The following ECEL1 variants were observed in gnomAD, a reference collection of about 807,000 sequenced individuals.
ECEL1 encodes the protein endothelin converting enzyme like 1, also known as endothelin-converting enzyme-like 1.
In ECEL1, 87 loss-of-function variants were observed where a neutral mutation model predicts 101.8. The ratio of observed to expected loss-of-function variants is 0.85; its 90% CI spans 0.72 to 1.02. The LOEUF (loss-of-function observed/expected upper bound fraction) is 1.02. Ranked by LOEUF, ECEL1 falls within the 50% of genes least tolerant of loss-of-function variation. The probability of loss-of-function intolerance (pLI) is 0.00; values close to 1 mark genes in which losing one functional copy is unlikely to be tolerated. For synonymous variants in ECEL1, 487 were observed against 468.7 expected (o/e 1.04, Z -0.50); for missense variants, 1,032 against 1,079.2 (o/e 0.96, Z 0.61).
Position 232,486,401 on chromosome 2 carries a change from G to A in ECEL1, c.253C>T (p.Leu85=). 1 of 1,475,124 alleles carries A rather than the reference G, an allele frequency of 6.8e-7. No individual in the cohort carries two copies. Among genetic ancestry groups the A allele is most frequent in the South Asian group, 1.3e-5 (1 of 75,766 alleles). 91.4% of individuals were successfully genotyped at this position (1,475,124 alleles called of 1,614,324 possible). The change falls in exon 2 of 18, where the codon CTG becomes TTG. Residue 85 remains leucine (L), a synonymous_variant. Coordinates refer to ENST00000304546, the MANE Select transcript of ECEL1 (RefSeq NM_004826.4). ...ILAAMLALKY[L]GPVAAGGGAC... Reference sequence around the variant, plus strand: ...CCGCCGCCGGCCGCGACCGGGCCCAGGTACTTGAGGGCCAGCATAGCCGCC... The same window carrying A: ...CCGCCGCCGGCCGCGACCGGGCCCAAGTACTTGAGGGCCAGCATAGCCGCC...
At chr2:232,484,676 C>T (rs755863982) in intron 5 of ECEL1, 80 bp from the exon 6 acceptor site, 27 of 1,602,098 alleles carry the variant, frequency 1.7e-5, no homozygotes, top group South Asian at 3.3e-5. Flanking sequence ...AGAGAGGCAG[C>T]GAGGGGACAT....
Position 232,480,494 on chromosome 2 carries a change from T to C in ECEL1, c.2152-19A>G, listed in dbSNP as rs1575074720. The C allele has an allele frequency of 1.2e-6, 2 of 1,613,042 alleles. No homozygotes were observed. The highest frequency in any genetic ancestry group is 2.7e-5 in the African/African-American group (2 of 74,958). On this transcript the variant is annotated intron_variant, in intron 16 of 17. Transcript: ENST00000304546. Reference sequence around the variant, plus strand: ...ACCAGTTCTGGGTCCAGGAGCGGGGTGGAGGGGAGGAGGGGGAGATGAAGC... The same window carrying C: ...ACCAGTTCTGGGTCCAGGAGCGGGGCGGAGGGGAGGAGGGGGAGATGAAGC...
At position 232,484,468 on chromosome 2, in the gene ECEL1, A is replaced by C. The variant is rs1354599815; in HGVS notation, c.1184+4T>G. 2 of 1,613,394 alleles carry C rather than the reference A, an allele frequency of 1.2e-6. No homozygotes were observed. The highest frequency in any genetic ancestry group is 2.2e-5 in the East Asian group (1 of 44,852). ...GGCAGAAAATGCCAGATCTGCAGCC[A>C]TACCGGTGGGGTGTGGAGCGGATGA... On this transcript the variant is annotated splice_donor_region_variant and intron_variant, in intron 6 of 17. Coordinates refer to ENST00000304546, the MANE Select transcript of ECEL1 (RefSeq NM_004826.4).
Position 232,482,621 on chromosome 2 carries a change from G to A in ECEL1, c.1686-13C>T. ...GGGGAGCAGCCACCTGTGGAGGGAT[G>A]CTGGGGTGAATGGGGGGAACACACT... On this transcript the variant is annotated splice_polypyrimidine_tract_variant and intron_variant, in intron 10 of 17. Transcript: ENST00000304546. 3 of 1,606,188 alleles carry A rather than the reference G, an allele frequency of 1.9e-6. No individual in the cohort carries two copies. Among genetic ancestry groups the A allele is most frequent in the Non-Finnish European group, 2.6e-6 (3 of 1,175,298 alleles).
chr2:232,480,039 T>A lies in ECEL1; in HGVS notation c.*114A>T, dbSNP rs1690534072. 2 of 1,029,232 alleles carry A rather than the reference T, an allele frequency of 1.9e-6. No individual in the cohort carries two copies. The highest frequency in any genetic ancestry group is 4.4e-5 in the Admixed American group (2 of 45,710). 63.8% of individuals were successfully genotyped at this position (1,029,232 alleles called of 1,614,324 possible). Reference sequence around the variant, plus strand: ...CAGGGGGACCGGGTCCTGGAGGGGCTGGAAGGCAGGTGGTGCCCAGAGCGG... The same window carrying A: ...CAGGGGGACCGGGTCCTGGAGGGGCAGGAAGGCAGGTGGTGCCCAGAGCGG... On this transcript the variant is annotated 3_prime_UTR_variant, in exon 18 of 18. Coordinates refer to ENST00000304546, the MANE Select transcript of ECEL1 (RefSeq NM_004826.4).
At position 232,486,009 on chromosome 2, in the gene ECEL1, G is replaced by C. The variant is rs370793486; in HGVS notation, c.645C>G (p.Gly215=). The C allele has an allele frequency of 1.0e-5, 16 of 1,607,694 alleles. No homozygotes were observed. Among genetic ancestry groups the C allele is most frequent in the African/African-American group, 1.3e-5 (1 of 74,844 alleles). Reference sequence around the variant, plus strand: ...CCGCGACCCCCGGACGCTCCTCCGCGCCGCCCAGGTCCCAGCCCCCGCAGT... The same window carrying C: ...CCGCGACCCCCGGACGCTCCTCCGCCCCGCCCAGGTCCCAGCCCCCGCAGT... The part of the protein sequence containing the change: ...IEDCGGWDLG[G]AEERPGVAAR... The change falls in exon 2 of 18, where the codon GGC becomes GGG. Residue 215 remains glycine (G), a synonymous_variant. Transcript: ENST00000304546.
chr2:232,484,348 G>C (rs1690664387), intron 6 of ECEL1, 124 bp downstream of exon 6: 5 of 1,561,732 alleles, frequency 3.2e-6, no homozygotes, highest in Non-Finnish European at 4.3e-6. Context: ...CCACAAAGAA[G>C]GGACAGGGGG....
chr2:232,481,031 G>A, intron 15 of ECEL1, 60 bp downstream of exon 15: 1 of 1,540,746 alleles, frequency 6.5e-7, no homozygotes, highest in Non-Finnish European at 8.8e-7. Context: ...CCCTCATCTG[G>A]AGTCCTCATC....
At chr2:232,481,038 C>T in intron 15 of ECEL1, 53 bp downstream of exon 15, 2 of 1,545,956 alleles carry the variant, frequency 1.3e-6, no homozygotes, top group Non-Finnish European at 8.7e-7. Context: ...CTGGAGTCCT[C>T]ATCAGCCCCC....
At chr2:232,485,701 C>T (rs748480708) in intron 2 of ECEL1, among the ~76,000 whole-genome samples, 167 bp downstream of exon 2, 21 of 152,344 alleles carry the variant, frequency 1.4e-4, no homozygotes, top group Admixed American at 1.3e-3. Context: ...TACTTGCGCC[C>T]TCCTCCCGCG....
At chr2:232,487,025 C>A (rs1559278131) in intron 1 of ECEL1, among the ~76,000 whole-genome samples, 1 of 152,188 alleles carries the variant, frequency 6.6e-6, no homozygotes, top group African/African-American at 2.4e-5. Context: ...GGGCCTGGCA[C>A]GTAGTGGGCC....
rs895983565 is a variant in ECEL1 at position 232,479,908 on chromosome 2, G to A, written c.*245C>T. ...CCCGTACAATCCAGCCTGGCAGAGG[G>A]TCTGGCCCCCTTAGAGCAGAATCTG... On this transcript the variant is annotated 3_prime_UTR_variant, in exon 18 of 18. Coordinates refer to ENST00000304546, the MANE Select transcript of ECEL1 (RefSeq NM_004826.4). The A allele has an allele frequency of 7.0e-6, 4 of 569,218 alleles. No individual in the cohort carries two copies. In the East Asian group the frequency reaches 8.8e-5, roughly 13 times the overall value. 35.3% of individuals were successfully genotyped at this position (569,218 alleles called of 1,614,324 possible). A position where few individuals can be genotyped will look rare whatever the true frequency, so the allele number is the denominator to read the frequency against.
At position 232,483,445 on chromosome 2, in the gene ECEL1, C is replaced by A. The variant is rs763859873; in HGVS notation, c.1477G>T (p.Ala493Ser). 1 of 1,611,750 alleles carries A rather than the reference C, an allele frequency of 6.2e-7. No homozygotes were observed. The highest frequency in any genetic ancestry group is 1.1e-5 in the South Asian group (1 of 90,830). Reference sequence around the variant, plus strand: ...GCCCGAGCAGCAGCCCTGGTCTCGGCGTCCATCCAGTCCAGCTCCTCCAGG... The same window carrying A: ...GCCCGAGCAGCAGCCCTGGTCTCGGAGTCCATCCAGTCCAGCTCCTCCAGG... Reference protein sequence around the residue: ...QRLEELDWMDAETRAAARAKL... With the variant: ...QRLEELDWMDSETRAAARAKL... The change falls in exon 8 of 18, where the codon GCC becomes TCC. Residue 493 changes from alanine (A) to serine (S), a missense_variant. By Grantham distance (99) the Ala-to-Ser change is moderately conservative. Transcript: ENST00000304546.
At chr2:232,481,058 G>A (rs1281230800) in intron 15 of ECEL1, 33 bp downstream of exon 15, 4 of 1,550,628 alleles carry the variant, frequency 2.6e-6, no homozygotes, top group Middle Eastern at 1.7e-4. Context: ...CGTCCCTCCT[G>A]CAGCAGGGGT....
chr2:232,481,014 G>T, intron 15 of ECEL1, 77 bp downstream of exon 15: 1 of 1,522,526 alleles, frequency 6.6e-7, no homozygotes, highest in Non-Finnish European at 8.9e-7. Flanking sequence ...GGGAGAGGCA[G>T]CTCTGTCCCT....
Position 232,483,404 on chromosome 2 carries a change from G to A in ECEL1, c.1506+12C>T, listed in dbSNP as rs191574294. The A allele has an allele frequency of 3.2e-3, 5,163 of 1,596,820 alleles. 15 individuals carry two copies. The highest frequency in any genetic ancestry group is 7.6e-3 in the Middle Eastern group (45 of 5,960). On this transcript the variant is annotated intron_variant, in intron 8 of 17. Coordinates refer to ENST00000304546, the MANE Select transcript of ECEL1 (RefSeq NM_004826.4). Reference sequence around the variant, plus strand: ...ATATGGGACCAACCAATGACACTGGGTCCCCCCTCACCTTGGCCCGAGCAG... The same window carrying A: ...ATATGGGACCAACCAATGACACTGGATCCCCCCTCACCTTGGCCCGAGCAG...
At position 232,479,856 on chromosome 2, in the gene ECEL1, T is replaced by C. The variant is rs1384870793; in HGVS notation, c.*297A>G. ...GTGCAGTGATTTATTGACCAGACTT[T>C]GCAGCAAGAACACAGCGAAGGTGGG... On this transcript the variant is annotated 3_prime_UTR_variant, in exon 18 of 18. Coordinates refer to ENST00000304546, the MANE Select transcript of ECEL1 (RefSeq NM_004826.4). 5 of 444,858 alleles carry C rather than the reference T, an allele frequency of 1.1e-5. No individual in the cohort carries two copies. Among genetic ancestry groups the C allele is most frequent in the Non-Finnish European group, 2.0e-5 (5 of 244,360 alleles). The allele number at this position is 444,858 out of a possible 1,614,324, so 27.6% of individuals were successfully genotyped here.
chr2:232,485,148 C>T, intron 3 of ECEL1, 51 bp downstream of exon 3: 3 of 1,612,436 alleles, frequency 1.9e-6, no homozygotes, highest in Non-Finnish European at 2.5e-6. Flanking sequence ...CTGGATCCAC[C>T]CCTCCTGGGG....
intron 8 of ECEL1, 57 bp downstream of exon 8, chr2:232,483,359 A>C: frequency 3.8e-6 from 6 of 1,568,388 alleles, no homozygotes; most frequent in Non-Finnish European, 5.2e-6. Flanking sequence ...TTTCGCTGGT[A>C]CACAGTAGGT....
Sources: gnomAD v4.1 joint callset for allele counts (sites outside exome capture counted in the v4.1 genomes callset) on GRCh38, gnomAD v4.1.1 for gene constraint, MANE v1.5 for transcripts, NCBI Gene and HGNC (gene_info 2026-07-23, HGNC 2026-07-21) for gene names.